The following PRKCZ variants were observed in gnomAD, a reference collection of about 807,000 sequenced individuals.
PRKCZ encodes protein kinase C zeta type.
A neutral mutation model predicts 79.5 loss-of-function variants in PRKCZ; 33 were observed. The ratio of observed to expected loss-of-function variants is 0.41; its 90% CI spans 0.31 to 0.55. PRKCZ has a LOEUF of 0.55. PRKCZ is among the 20% of genes least tolerant of loss of function. The probability of loss-of-function intolerance (pLI) is 0.19; values close to 1 mark genes in which losing one functional copy is unlikely to be tolerated. For synonymous variants in PRKCZ, 342 were observed against 320.9 expected (o/e 1.07, Z -0.70); for missense variants, 578 against 813.5 (o/e 0.71, Z 3.52).
intron 4 of PRKCZ, among the ~76,000 whole-genome samples, chr1:2,077,569 T>G (rs1294117126): frequency 6.6e-6 from 1 of 152,208 alleles, no homozygotes; most frequent in South Asian, 2.1e-4. Context: ...AAAGTTTGCA[T>G]TGTACATTAT....
chr1:2,185,280 A>T lies in PRKCZ; in HGVS notation c.*271A>T, dbSNP rs1310446080. ...CGGGGACCCTGCCGAGGGGGCTGTC[A>T]TGCGGTTTCCAAGGTGCACATTTTC... On this transcript the variant is annotated 3_prime_UTR_variant, in exon 18 of 18. Transcript: ENST00000378567. The T allele has an allele frequency of 7.0e-6, 5 of 717,776 alleles. No individual in the cohort carries two copies. The highest frequency in any genetic ancestry group is 1.3e-5 in the Non-Finnish European group (5 of 384,698). 44.5% of individuals were successfully genotyped at this position (717,776 alleles called of 1,614,324 possible).
chr1:2,060,587 T>G (rs1319081475), intron 4 of PRKCZ, among the ~76,000 whole-genome samples: 1 of 152,080 alleles, frequency 6.6e-6, no homozygotes, highest in African/African-American at 2.4e-5. Context: ...GGGATTTCCA[T>G]GATCTGCCCG....
At chr1:2,052,236 C>A (rs756678473) in intron 1 of PRKCZ, among the ~76,000 whole-genome samples, 1 of 152,168 alleles carries the variant, frequency 6.6e-6, no homozygotes, top group Non-Finnish European at 1.5e-5. Context: ...GACCAAGGCT[C>A]GGAGGCAATG....
intron 4 of PRKCZ, among the ~76,000 whole-genome samples, chr1:2,133,194 C>G (rs540986242): frequency 2.6e-4 from 39 of 152,330 alleles, no homozygotes; most frequent in African/African-American, 9.1e-4. Context: ...TGTCCCCGCT[C>G]CAGCCAGCTT....
chr1:2,102,621 C>T (rs553476257), intron 4 of PRKCZ, among the ~76,000 whole-genome samples: 29 of 152,280 alleles, frequency 1.9e-4, no homozygotes, highest in South Asian at 6.2e-4. Context: ...TGTGAGCCAC[C>T]GTGCCCGGCC....
At chr1:2,059,656 C>A in intron 4 of PRKCZ, 65 bp downstream of exon 4, 1 of 1,598,420 alleles carries the variant, frequency 6.3e-7, no homozygotes, top group Non-Finnish European at 8.6e-7. Flanking sequence ...ATCCGTTGTG[C>A]CACGGAGGTG....
intron 11 of PRKCZ, chr1:2,171,718 C>A (rs1684468514): frequency 3.9e-6 from 1 of 259,062 alleles, no homozygotes; most frequent in Non-Finnish European, 7.4e-6. Flanking sequence ...AGCAGCGGCG[C>A]TGTTCTGCAC....
intron 4 of PRKCZ, among the ~76,000 whole-genome samples, chr1:2,104,299 T>C (rs1347823986): frequency 6.6e-6 from 1 of 152,026 alleles, no homozygotes; most frequent in African/African-American, 2.4e-5. Context: ...GTCCAACTCT[T>C]GGTTGCGATT....
At chr1:2,143,731 C>T (rs1181750428) in intron 5 of PRKCZ, 1 of 154,060 alleles carries the variant, frequency 6.5e-6, no homozygotes, top group African/African-American at 2.4e-5. Flanking sequence ...TGTAGCAGTT[C>T]AAGATGTTCA....
At chr1:2,109,890 C>T (rs1669378185) in intron 4 of PRKCZ, among the ~76,000 whole-genome samples, 1 of 152,206 alleles carries the variant, frequency 6.6e-6, no homozygotes, top group Non-Finnish European at 1.5e-5. Flanking sequence ...GTGGGGTGGA[C>T]TCCAGAAATG....
At chr1:2,176,018 C>T (rs369668960) in intron 16 of PRKCZ, among the ~76,000 whole-genome samples, 23 of 152,292 alleles carry the variant, frequency 1.5e-4, no homozygotes, top group East Asian at 9.7e-4. Context: ...GCAGCGTTCA[C>T]GGCTTGAGCT....
intron 4 of PRKCZ, among the ~76,000 whole-genome samples, chr1:2,121,450 GTAGT>G (rs897694048): frequency 1.2e-3 from 173 of 138,484 alleles, no homozygotes; most frequent in African/African-American, 3.8e-3. Flanking sequence ...AGTCATGGCG[GTAGT>G]TAGTTAGAGT....
At chr1:2,142,880 A>C (rs999579924) in intron 5 of PRKCZ, 1 of 151,570 alleles carries the variant, frequency 6.6e-6, no homozygotes, top group African/African-American at 2.4e-5. Context: ...GAGGGTCTGG[A>C]CCCCCTTTGC....
chr1:2,064,683 A>G (rs1018518500), intron 4 of PRKCZ, among the ~76,000 whole-genome samples: 2 of 152,156 alleles, frequency 1.3e-5, no homozygotes, highest in Non-Finnish European at 2.9e-5. Flanking sequence ...GGGAGGGTTC[A>G]TTTGTGGAGT....
chr1:2,063,800 T>C (rs1189780662), intron 4 of PRKCZ, among the ~76,000 whole-genome samples: 1 of 151,824 alleles, frequency 6.6e-6, no homozygotes, highest in African/African-American at 2.4e-5. Context: ...ATTTCCCTGG[T>C]GATAAGTGAT....
chr1:2,144,022 G>T, intron 5 of PRKCZ, 188 bp from the exon 6 acceptor site: 1 of 739,498 alleles, frequency 1.4e-6, no homozygotes, highest in Non-Finnish European at 2.1e-6. Flanking sequence ...CCCCAACCTT[G>T]GGATAGACCC....
At chr1:2,108,707 G>A (rs1669097708) in intron 4 of PRKCZ, among the ~76,000 whole-genome samples, 1 of 152,330 alleles carries the variant, frequency 6.6e-6, no homozygotes, top group East Asian at 1.9e-4. Context: ...GCTGTCTGAT[G>A]TGCTCCCTGG....
chr1:2,092,077 G>C (rs1665615581), intron 4 of PRKCZ, among the ~76,000 whole-genome samples: 1 of 152,198 alleles, frequency 6.6e-6, no homozygotes. Context: ...TGCGGCCGCA[G>C]AGTGAGACAG....
chr1:2,136,134 G>T (rs1003403878), intron 5 of PRKCZ, among the ~76,000 whole-genome samples: 5 of 152,154 alleles, frequency 3.3e-5, no homozygotes, highest in African/African-American at 9.7e-5. Flanking sequence ...GTCAACCTCC[G>T]CTGGGTGTAC....
Sources: allele counts gnomAD v4.1 joint callset (sites outside exome capture counted in the v4.1 genomes callset), GRCh38; gene constraint gnomAD v4.1.1; transcripts MANE v1.5; gene names NCBI Gene and HGNC (gene_info 2026-07-23, HGNC 2026-07-21).